The following DLEU7 variants were observed in gnomAD, a reference collection of about 807,000 sequenced individuals.
DLEU7 encodes deleted in lymphocytic leukemia 7.
Under a neutral mutation model 16.0 loss-of-function variants are expected in DLEU7, and 17 were observed. That is an observed-to-expected ratio of 1.06 (90% CI 0.73 to 1.59). The LOEUF (loss-of-function observed/expected upper bound fraction) is 1.59, where lower values mean the gene tolerates loss of function less well. Among genes scored for constraint, DLEU7 ranks in the 40% most tolerant of loss-of-function variants. The pLI is 0.00. For synonymous variants in DLEU7, 113 were observed against 139.8 expected (o/e 0.81, Z 1.35); for missense variants, 308 against 314.9 (o/e 0.98, Z 0.17).
intron 1 of DLEU7, among the ~76,000 whole-genome samples, chr13:50,729,931 A>G (rs77838896): frequency 0.043 from 6,608 of 152,204 alleles, 189 homozygotes; most frequent in Non-Finnish European, 0.059. Flanking sequence ...CTTATCGTCT[A>G]TTTTTGAGCA....
At chr13:50,785,509 T>C (rs780997629) in intron 1 of DLEU7, among the ~76,000 whole-genome samples, 2 of 152,308 alleles carry the variant, frequency 1.3e-5, no homozygotes, top group East Asian at 3.9e-4. Flanking sequence ...ATTTGAGTGC[T>C]GAATAGTCCT....
chr13:50,804,059 G>A (rs959327780), intron 1 of DLEU7, among the ~76,000 whole-genome samples: 1 of 151,900 alleles, frequency 6.6e-6, no homozygotes, highest in Non-Finnish European at 1.5e-5. Flanking sequence ...TTTTTTAGAG[G>A]GCTAGAATGA....
chr13:50,843,624 A>C lies in DLEU7; in HGVS notation c.23T>G (p.Val8Gly). Residue 8 changes from valine to glycine, a missense_variant, in exon 1 of 2, where the codon GTG (valine) becomes GGG (glycine). Transcript: ENST00000504404. This position sits in a 1 kb window ranked among gnomAD's most constrained non-coding sequence, Gnocchi z 5.7. The part of the protein sequence containing the change: MASPAPL[V>G]ASISHQMVAL... ...CACCATTTGGTGGCTGATGGAGGCC[A>C]CTAAGGGCGCAGGGCTGGCCATCGC... 6.6e-7 allele frequency: 1 copy of C among 1,512,068 alleles called. No homozygotes were observed. The allele number at this position is 1,512,068 out of a possible 1,614,324, so 93.7% of individuals were successfully genotyped here.
intron 1 of DLEU7, among the ~76,000 whole-genome samples, chr13:50,749,431 C>A (rs866730852): frequency 1.3e-5 from 2 of 152,056 alleles, no homozygotes; most frequent in Non-Finnish European, 2.9e-5. Context: ...ATAATGACTT[C>A]TTTTCCTCTG....
chr13:50,724,246 CTCT>C (rs1447174046), intron 1 of DLEU7, among the ~76,000 whole-genome samples: 1 of 152,126 alleles, frequency 6.6e-6, no homozygotes, highest in Non-Finnish European at 1.5e-5. Context: ...TATCACTCTC[CTCT>C]TAACTGTCTT....
intron 1 of DLEU7, among the ~76,000 whole-genome samples, chr13:50,756,205 G>T (rs1383562408): frequency 6.6e-6 from 1 of 152,190 alleles, no homozygotes; most frequent in Non-Finnish European, 1.5e-5. Context: ...CCTGCCAGGA[G>T]GTGGCACTTT....
At chr13:50,821,601 G>C (rs1016999169), downstream of DLEU7, among the ~76,000 whole-genome samples, 1 of 152,080 alleles carries the variant, frequency 6.6e-6, no homozygotes, top group Admixed American at 6.6e-5. Flanking sequence ...TCATGGAGGG[G>C]GTGGTGGGTA....
At position 50,843,642 on chromosome 13, in the gene DLEU7, G is replaced by A. The variant is rs1220314912; in HGVS notation, c.5C>T (p.Ala2Val). M[A>V]SPAPLVASIS... ...GGAGGCCACTAAGGGCGCAGGGCTG[G>A]CCATCGCCTCCGCTGGCGGCCCGGC... The change falls in exon 1 of 2, where the codon GCC becomes GTC. Residue 2 changes from alanine to valine, a missense_variant. Transcript: ENST00000504404. The surrounding 1 kb of genome is among the most constrained non-coding windows in gnomAD (Gnocchi z 5.7). The A allele has an allele frequency of 4.6e-6, 7 of 1,508,030 alleles. No individual in the cohort carries two copies. The highest frequency in any genetic ancestry group is 6.2e-6 in the Non-Finnish European group (7 of 1,134,838). The allele number at this position is 1,508,030 out of a possible 1,614,324, so 93.4% of individuals were successfully genotyped here.
At chr13:50,736,103 T>C (rs969146337) in intron 1 of DLEU7, among the ~76,000 whole-genome samples, 7 of 152,076 alleles carry the variant, frequency 4.6e-5, no homozygotes, top group African/African-American at 1.7e-4. Context: ...GAAGAATCAA[T>C]CTAAATACCC....
chr13:50,762,645 C>A (rs907712496), intron 1 of DLEU7, among the ~76,000 whole-genome samples: 13 of 152,086 alleles, frequency 8.5e-5, no homozygotes, highest in African/African-American at 3.1e-4. Context: ...AAGCTGTATA[C>A]ATCTTGAAGG....
intron 1 of DLEU7, among the ~76,000 whole-genome samples, chr13:50,757,904 C>A (rs1036038132): frequency 1.3e-5 from 2 of 152,110 alleles, no homozygotes; most frequent in African/African-American, 4.8e-5. Flanking sequence ...GTGATTTACA[C>A]CTAAAATACC....
At chr13:50,811,757 C>T (rs1876574275) in intron 1 of DLEU7, among the ~76,000 whole-genome samples, 1 of 152,082 alleles carries the variant, frequency 6.6e-6, no homozygotes, top group African/African-American at 2.4e-5. Flanking sequence ...AAGAACTGGA[C>T]TTGTCTTCAT....
chr13:50,836,396 C>T (rs568238020), intron 1 of DLEU7, among the ~76,000 whole-genome samples: 10 of 152,106 alleles, frequency 6.6e-5, no homozygotes, highest in Non-Finnish European at 1.3e-4. Flanking sequence ...AAAAAGAGGC[C>T]GGGCATGGTG....
intron 1 of DLEU7, among the ~76,000 whole-genome samples, chr13:50,775,336 A>G (rs1243905356): frequency 6.6e-6 from 1 of 152,174 alleles, no homozygotes; most frequent in Admixed American, 6.5e-5. Flanking sequence ...TAGTTTTGCA[A>G]CTAGCCTAGG....
At chr13:50,838,884 A>G (rs2137816926) in intron 1 of DLEU7, among the ~76,000 whole-genome samples, 1 of 152,344 alleles carries the variant, frequency 6.6e-6, no homozygotes, top group Admixed American at 6.5e-5. Flanking sequence ...GGGCCATGTG[A>G]GGACGCAGCG....
chr13:50,714,920 G>A (rs1873397722), intron 1 of DLEU7, among the ~76,000 whole-genome samples: 1 of 152,216 alleles, frequency 6.6e-6, no homozygotes, highest in Non-Finnish European at 1.5e-5. Context: ...CGCGGCTGGT[G>A]TGTGGGCTTC....
chr13:50,758,620 C>T (rs1874833758), intron 1 of DLEU7, among the ~76,000 whole-genome samples: 1 of 152,144 alleles, frequency 6.6e-6, no homozygotes, highest in Non-Finnish European at 1.5e-5. Flanking sequence ...AGCTCTAAGC[C>T]CACTTACCTG....
At chr13:50,824,296 G>T (rs1312463952) in intron 1 of DLEU7, among the ~76,000 whole-genome samples, 2 of 152,026 alleles carry the variant, frequency 1.3e-5, no homozygotes, top group South Asian at 2.1e-4. Context: ...GCAAATAAAT[G>T]GTACATTTGG....
intron 1 of DLEU7, among the ~76,000 whole-genome samples, chr13:50,724,608 A>C (rs912693367): frequency 6.6e-6 from 1 of 152,214 alleles, no homozygotes; most frequent in East Asian, 1.9e-4. Context: ...AAGGGAAGAG[A>C]GGCACAGAGA....
Sources: allele counts gnomAD v4.1 joint callset (sites outside exome capture counted in the v4.1 genomes callset), GRCh38; gene constraint gnomAD v4.1.1; non-coding constraint Gnocchi (gnomAD v3.1); transcripts MANE v1.5; gene names NCBI Gene and HGNC (gene_info 2026-07-23, HGNC 2026-07-21).